Variants in RALY observed in about 807,000 individuals in gnomAD.
The protein encoded by RALY is RALY heterogeneous nuclear ribonucleoprotein, also known as RNA-binding protein Raly.
Under a neutral mutation model 30.7 loss-of-function variants are expected in RALY, and 15 were observed. That is an observed-to-expected ratio of 0.49 (90% confidence interval 0.33 to 0.75). The LOEUF is 0.75. RALY is among the 30% of genes least tolerant of loss of function. The pLI, the probability that RALY is intolerant of heterozygous loss-of-function variation, is 0.02. For synonymous variants in RALY, 177 were observed against 170.8 expected (o/e 1.04, Z -0.28); for missense variants, 339 against 414.3 (o/e 0.82, Z 1.58).
At chr20:33,995,016 T>C (rs2030540395) in intron 1 of RALY, among the ~76,000 whole-genome samples, 1 of 152,176 alleles carries the variant, frequency 6.6e-6, no homozygotes, top group South Asian at 2.1e-4. Flanking sequence ...TACCTATTAT[T>C]TATTAATATT....
In RALY at chr20:34,082,875, G is replaced by A. The variant is rs2034051994; in HGVS notation, c.*2970G>A. 1 of 152,226 alleles carries A rather than the reference G, an allele frequency of 6.6e-6. No homozygotes were observed. Among genetic ancestry groups the A allele is most frequent in the South Asian group, 2.1e-4 (1 of 4,836 alleles). The allele number at this position is 152,226 out of a possible 1,614,324, so 9.4% of individuals were successfully genotyped here. On this transcript the variant is annotated 3_prime_UTR_variant, in exon 10 of 10. Coordinates refer to ENST00000246194, the MANE Select transcript of RALY (RefSeq NM_016732.3). The stretch of plus-strand genomic sequence containing the variant: ...ATGTGGTACCGGATTCTGCCTAAAG[G>A]ATCAGTCTTTAGATGTTTTCAGATT...
chr20:34,053,594 A>G (rs2033151204), intron 2 of RALY, among the ~76,000 whole-genome samples: 1 of 151,444 alleles, frequency 6.6e-6, no homozygotes, highest in Admixed American at 6.6e-5. Flanking sequence ...ACAGGCTCCC[A>G]CTATATTGCC....
chr20:34,018,945 G>T (rs767063815), intron 1 of RALY, among the ~76,000 whole-genome samples: 1 of 152,130 alleles, frequency 6.6e-6, no homozygotes, highest in Non-Finnish European at 1.5e-5. Flanking sequence ...CTGTCTTCTG[G>T]TCTAGGGCTA....
In RALY at chr20:33,999,566, G is replaced by A. The variant is rs116931422; in HGVS notation, c.-93+5435G>A. 3.0e-4 allele frequency among the ~76,000 whole-genome samples: 46 copies of A among 152,272 alleles called. No individual in the cohort carries two copies. The East Asian group carries it at 8.3e-3, about 27-fold the overall frequency. ...CATTTTATCCAGGCTACATCCTTTGGCACTGGTCTTTTCGTGTACTAGTGT... is the reference window on the plus strand; with the variant it reads ...CATTTTATCCAGGCTACATCCTTTGACACTGGTCTTTTCGTGTACTAGTGT... On this transcript the variant is annotated intron_variant, in intron 1 of 9. Transcript: ENST00000246194.
chr20:34,072,846 ATG>A (rs746332007), intron 3 of RALY, among the ~76,000 whole-genome samples: 2 of 152,072 alleles, frequency 1.3e-5, no homozygotes, highest in African/African-American at 2.4e-5. Flanking sequence ...GGGTATCTGT[ATG>A]TGTTTTTTCC....
At chr20:34,067,609 A>G (rs2033611141) in intron 2 of RALY, among the ~76,000 whole-genome samples, 1 of 152,112 alleles carries the variant, frequency 6.6e-6, no homozygotes, top group African/African-American at 2.4e-5. Context: ...TGTTTTTGCC[A>G]CATTTCTTCT....
chr20:34,053,210 C>A (rs1300279215), intron 2 of RALY, among the ~76,000 whole-genome samples: 2 of 151,684 alleles, frequency 1.3e-5, no homozygotes, highest in African/African-American at 4.8e-5. Context: ...TTGTTCAAAG[C>A]ACATCTGATC....
At chr20:34,035,555 C>T (rs1036680186) in intron 2 of RALY, among the ~76,000 whole-genome samples, 6 of 152,166 alleles carry the variant, frequency 3.9e-5, no homozygotes, top group Non-Finnish European at 7.3e-5. Context: ...TTGGCTCTTT[C>T]CCCACGACCT....
chr20:34,035,920 CTT>C (rs2032479892), intron 2 of RALY, among the ~76,000 whole-genome samples: 1 of 152,068 alleles, frequency 6.6e-6, no homozygotes, highest in South Asian at 2.1e-4. Flanking sequence ...CTATGTGTAT[CTT>C]TGGGGGAATA....
In RALY at chr20:34,081,684, C is replaced by T. The variant is rs995018266; in HGVS notation, c.*1779C>T. On this transcript the variant is annotated 3_prime_UTR_variant, in exon 10 of 10. Transcript: ENST00000246194. Reference sequence around the variant, plus strand: ...AAACTCCACCGGGAAGTCTCTCTCACTGAGCAGCCCTCCTGCCTGTCATCC... The same window carrying T: ...AAACTCCACCGGGAAGTCTCTCTCATTGAGCAGCCCTCCTGCCTGTCATCC... 3.5e-4 allele frequency: 53 copies of T among 152,292 alleles called. No homozygotes were observed. Among genetic ancestry groups the T allele is most frequent in the African/African-American group, 1.2e-3 (50 of 41,458 alleles). The allele number at this position is 152,292 out of a possible 1,614,324, so 9.4% of individuals were successfully genotyped here. A position where few individuals can be genotyped will look rare whatever the true frequency, so the allele number is the denominator to read the frequency against.
chr20:34,042,106 G>A (rs917154216), intron 2 of RALY, among the ~76,000 whole-genome samples: 4 of 152,250 alleles, frequency 2.6e-5, no homozygotes, highest in South Asian at 2.1e-4. Flanking sequence ...GCAACAGAGC[G>A]AGATGCCGTC....
intron 1 of RALY, among the ~76,000 whole-genome samples, chr20:34,031,211 ATTTTTTTT>A (rs11297874): frequency 2.3e-4 from 25 of 110,872 alleles, no homozygotes; most frequent in Admixed American, 8.9e-4. Flanking sequence ...TGCCTGGCTA[ATTTTTTTT>A]TTTTTTTTTT....
At chr20:34,026,999 A>C (rs1030502824) in intron 1 of RALY, among the ~76,000 whole-genome samples, 2 of 152,070 alleles carry the variant, frequency 1.3e-5, no homozygotes, top group African/African-American at 4.8e-5. Flanking sequence ...AGTTCGTAAG[A>C]CCCTAATCCT....
intron 1 of RALY, among the ~76,000 whole-genome samples, chr20:34,018,282 C>T (rs748863381): frequency 3.6e-4 from 55 of 152,298 alleles, no homozygotes; most frequent in Non-Finnish European, 5.0e-4. Context: ...CCAACTGAAA[C>T]TTATTTCTAG....
At chr20:34,022,145 G>C (rs1303144246) in intron 1 of RALY, among the ~76,000 whole-genome samples, 1 of 146,840 alleles carries the variant, frequency 6.8e-6, no homozygotes, top group African/African-American at 2.5e-5. Context: ...GCCCATGCTG[G>C]TCTCGAACTC....
chr20:34,044,265 A>G (rs2032798865), intron 2 of RALY, among the ~76,000 whole-genome samples: 2 of 152,090 alleles, frequency 1.3e-5, no homozygotes. Flanking sequence ...TAATTGATTA[A>G]TTAGGTGATA....
chr20:34,036,555 T>C (rs2032503544), intron 2 of RALY, among the ~76,000 whole-genome samples: 2 of 152,224 alleles, frequency 1.3e-5, no homozygotes, highest in Admixed American at 6.5e-5. Flanking sequence ...ATGGAATGAA[T>C]TGATGTGTTC....
At chr20:34,058,013 G>T (rs1453207594) in intron 2 of RALY, among the ~76,000 whole-genome samples, 2 of 152,124 alleles carry the variant, frequency 1.3e-5, no homozygotes, top group African/African-American at 2.4e-5. Flanking sequence ...TACAGTTTTG[G>T]AGAAACTTTT....
chr20:34,016,166 T>A (rs1033556567), intron 1 of RALY, among the ~76,000 whole-genome samples: 3 of 152,198 alleles, frequency 2.0e-5, no homozygotes, highest in African/African-American at 7.2e-5. Flanking sequence ...CCACATTTCT[T>A]TATACCCAGG....
Sources: gnomAD v4.1 joint callset for allele counts (sites outside exome capture counted in the v4.1 genomes callset) on GRCh38, gnomAD v4.1.1 for gene constraint, MANE v1.5 for transcripts, NCBI Gene and HGNC (gene_info 2026-07-23, HGNC 2026-07-21) for gene names.